PCDHA13: variants seen among roughly 807,000 people sequenced by gnomAD.
PCDHA13 encodes protocadherin alpha 13, also known as protocadherin alpha-13.
Under a neutral mutation model 64.8 loss-of-function variants are expected in PCDHA13, and 54 were observed. The ratio of observed to expected loss-of-function variants is 0.83; its 90% CI spans 0.67 to 1.04. The LOEUF (loss-of-function observed/expected upper bound fraction) is 1.04. PCDHA13 is among the 50% of genes least tolerant of loss of function. PCDHA13 has a pLI of 0.00. For missense variants in PCDHA13, 1,248 were observed against 1,254.3 expected (o/e 0.99, Z 0.08); for synonymous variants, 587 against 564.4 (o/e 1.04, Z -0.57).
At chr5:140,902,071 T>G (rs1288333473) in intron 1 of PCDHA13, among the ~76,000 whole-genome samples, 1 of 152,186 alleles carries the variant, frequency 6.6e-6, no homozygotes, top group African/African-American at 2.4e-5. Flanking sequence ...TTTACTGAAT[T>G]TATTGTTTTA....
rs2059323174 is a variant in PCDHA13, at chr5:140,882,816, A to G, written c.548A>G (p.Gln183Arg). The change falls in exon 1 of 4, where the codon CAA becomes CGA. Residue 183 changes from glutamine to arginine, a missense_variant. Coordinates refer to ENST00000289272, the MANE Select transcript of PCDHA13 (RefSeq NM_018904.3). ...AACGATTATTTCACTTTGGACGCAC[A>G]AAACAGTCTTGAGCAAATGTCTTCA... ...DPNDYFTLDA[Q>R]NSLEQMSSLS... The G allele has an allele frequency of 1.9e-6, 3 of 1,614,266 alleles. No homozygotes were observed. Among genetic ancestry groups the G allele is most frequent in the Non-Finnish European group, 1.7e-6 (2 of 1,180,052 alleles).
chr5:140,972,218 C>A (rs367920234), intron 1 of PCDHA13, among the ~76,000 whole-genome samples: 129 of 152,040 alleles, frequency 8.5e-4, no homozygotes, highest in Middle Eastern at 3.4e-3. Flanking sequence ...TGGCTCACTG[C>A]AGCCTCGACC....
intron 3 of PCDHA13, among the ~76,000 whole-genome samples, chr5:140,982,785 G>A (rs1037904724): frequency 2.0e-5 from 3 of 151,236 alleles, no homozygotes; most frequent in African/African-American, 4.9e-5. Flanking sequence ...GTGTGTGCAC[G>A]CATGTGTGCA....
intron 1 of PCDHA13, chr5:140,968,973 C>T (rs1404110882): frequency 4.3e-6 from 7 of 1,614,076 alleles, no homozygotes; most frequent in African/African-American, 2.7e-5. Flanking sequence ...CGCTACACTG[C>T]GTATGGCACT....
intron 1 of PCDHA13, among the ~76,000 whole-genome samples, chr5:140,898,149 C>T (rs552851488): frequency 4.6e-4 from 70 of 152,244 alleles, no homozygotes; most frequent in African/African-American, 1.6e-3. Flanking sequence ...TGCCTGTTCA[C>T]GCTGATGGTG....
intron 1 of PCDHA13, among the ~76,000 whole-genome samples, chr5:140,897,709 T>C (rs1471075981): frequency 6.6e-6 from 1 of 152,212 alleles, no homozygotes; most frequent in Non-Finnish European, 1.5e-5. Context: ...TACCCAGTAA[T>C]GGGATGGCTG....
chr5:140,931,409 A>G (rs1172534741), intron 1 of PCDHA13, among the ~76,000 whole-genome samples: 1 of 152,082 alleles, frequency 6.6e-6, no homozygotes, highest in African/African-American at 2.4e-5. Flanking sequence ...AGGAAGGCTG[A>G]TGAATCTAGA....
rs538322622 is a variant in PCDHA13 at position 140,884,083 on chromosome 5, G to C, written c.1815G>C (p.Ala605=). ...RAVDADSGYN[A]WLSYELQLAA... ...TGGACGCCGATTCGGGCTACAATGC[G>C]TGGCTTTCGTATGAATTGCAGCTGG... The change falls in exon 1 of 4, where the codon GCG becomes GCC. Residue 605 remains alanine (A), a synonymous_variant. Transcript: ENST00000289272. The C allele has an allele frequency of 1.2e-6, 2 of 1,613,596 alleles. No individual in the cohort carries two copies. Among genetic ancestry groups the C allele is most frequent in the South Asian group, 1.1e-5 (1 of 91,060 alleles).
At chr5:140,976,594 T>C (rs2096724606) in intron 1 of PCDHA13, among the ~76,000 whole-genome samples, 1 of 152,146 alleles carries the variant, frequency 6.6e-6, no homozygotes, top group Non-Finnish European at 1.5e-5. Flanking sequence ...ACTTTTGTGT[T>C]AAGGGGACCT....
chr5:140,966,017 G>A (rs946123044), intron 1 of PCDHA13, among the ~76,000 whole-genome samples: 1 of 152,144 alleles, frequency 6.6e-6, no homozygotes, highest in Non-Finnish European at 1.5e-5. Flanking sequence ...GGGAAGATGT[G>A]GGAGTCAGGT....
chr5:140,959,293 C>G (rs1554223990), intron 1 of PCDHA13, among the ~76,000 whole-genome samples: 1 of 152,088 alleles, frequency 6.6e-6, no homozygotes, highest in African/African-American at 2.4e-5. Context: ...GGGAGCATCA[C>G]TGAGCCCGGT....
chr5:140,987,213 C>CA (rs58319157), intron 3 of PCDHA13, among the ~76,000 whole-genome samples: 3,048 of 118,770 alleles, frequency 0.026, 41 homozygotes, highest in Middle Eastern at 0.12. Flanking sequence ...GACTCCATCT[C>CA]AAAAAAAAAA....
intron 1 of PCDHA13, among the ~76,000 whole-genome samples, chr5:140,977,966 G>A (rs562447024): frequency 3.9e-5 from 6 of 152,004 alleles, no homozygotes; most frequent in South Asian, 4.2e-4. Context: ...CTCAATCTCC[G>A]CCCATGAAAA....
intron 1 of PCDHA13, among the ~76,000 whole-genome samples, chr5:140,949,282 T>C (rs1308331025): frequency 6.6e-6 from 1 of 151,850 alleles, no homozygotes; most frequent in African/African-American, 2.4e-5. Flanking sequence ...GAAAAGAATG[T>C]ATATTCTGTA....
At chr5:140,978,283 G>A (rs1355729190) in intron 1 of PCDHA13, among the ~76,000 whole-genome samples, 3 of 152,200 alleles carry the variant, frequency 2.0e-5, no homozygotes, top group South Asian at 2.1e-4. Context: ...CAGTGATTCA[G>A]TGAGGAGGGA....
At chr5:140,985,138 C>T (rs972329850) in intron 3 of PCDHA13, among the ~76,000 whole-genome samples, 3 of 152,016 alleles carry the variant, frequency 2.0e-5, no homozygotes, top group Non-Finnish European at 2.9e-5. Flanking sequence ...GGGGTTTCAC[C>T]GTGTTAGCCA....
intron 3 of PCDHA13, among the ~76,000 whole-genome samples, chr5:140,993,036 GTCA>G (rs1415732601): frequency 6.6e-6 from 1 of 152,182 alleles, no homozygotes; most frequent in Non-Finnish European, 1.5e-5. Flanking sequence ...GGCTCCGTGT[GTCA>G]TCAAGATGTC....
chr5:140,963,288 G>A (rs908553196), intron 1 of PCDHA13, among the ~76,000 whole-genome samples: 2 of 152,126 alleles, frequency 1.3e-5, no homozygotes, highest in Non-Finnish European at 2.9e-5. Flanking sequence ...ATTTTATAAG[G>A]AGGAGAGAAA....
Position 140,938,847 on chromosome 5 carries a change from T to C in PCDHA13, c.2395-40102T>C, listed in dbSNP as rs371783438. 4.6e-5 allele frequency among the ~76,000 whole-genome samples: 7 copies of C among 152,194 alleles called. No individual in the cohort carries two copies. The South Asian group carries it at 6.2e-4, about 14-fold the overall frequency. ...GTTTGCGTTATAACAAACCTGCCCA[T>C]GTACCCCTGAACTTAAAAGTTAAGA... On this transcript the variant is annotated intron_variant, in intron 1 of 3. Transcript: ENST00000289272.
Sources: allele counts gnomAD v4.1 joint callset (sites outside exome capture counted in the v4.1 genomes callset), GRCh38; gene constraint gnomAD v4.1.1; transcripts MANE v1.5; gene names NCBI Gene and HGNC (gene_info 2026-07-23, HGNC 2026-07-21).